The following CCDC181 variants were observed in gnomAD, a reference collection of about 807,000 sequenced individuals.
CCDC181 encodes coiled-coil domain-containing protein 181.
Under a neutral mutation model 58.7 loss-of-function variants are expected in CCDC181, and 35 were observed. The ratio of observed to expected loss-of-function variants is 0.60; its 90% CI spans 0.46 to 0.79. The LOEUF (loss-of-function observed/expected upper bound fraction) is 0.79. Among genes scored for constraint, CCDC181 ranks in the 30% least tolerant of loss-of-function variants. The probability of loss-of-function intolerance (pLI) is 0.00; values close to 1 mark genes in which losing one functional copy is unlikely to be tolerated. For synonymous variants in CCDC181, 183 were observed against 197.5 expected, an observed-to-expected ratio of 0.93 and a Z score of 0.62; for missense variants, 517 against 583.9, an observed-to-expected ratio of 0.89 and a Z score of 1.18.
chr1:169,417,735 C>T (rs1656276752), intron 4 of CCDC181, among the ~76,000 whole-genome samples: 1 of 152,114 alleles, frequency 6.6e-6, no homozygotes, highest in South Asian at 2.1e-4. Flanking sequence ...CTTATTAGAA[C>T]AAAGAGAGTC....
At chr1:169,444,574 T>C (rs985352026) in intron 2 of CCDC181, among the ~76,000 whole-genome samples, 58 of 152,328 alleles carry the variant, frequency 3.8e-4, no homozygotes, top group African/African-American at 1.2e-3. Context: ...TTCTTGGTAA[T>C]AGTTTGACAA....
At chr1:169,416,576 T>C (rs1406197620) in intron 4 of CCDC181, among the ~76,000 whole-genome samples, 1 of 152,214 alleles carries the variant, frequency 6.6e-6, no homozygotes, top group Non-Finnish European at 1.5e-5. Context: ...ATAGTGTTTA[T>C]TATCCGCATT....
chr1:169,437,776 C>G (rs1265810130), intron 2 of CCDC181, among the ~76,000 whole-genome samples: 2 of 152,118 alleles, frequency 1.3e-5, no homozygotes, highest in African/African-American at 2.4e-5. Flanking sequence ...GTATTGTCAT[C>G]TATAGTTTTA....
chr1:169,422,468 T>G (rs958669856), intron 2 of CCDC181, among the ~76,000 whole-genome samples, 155 bp from the exon 3 acceptor site: 5 of 152,314 alleles, frequency 3.3e-5, no homozygotes, highest in Non-Finnish European at 7.4e-5. Flanking sequence ...TAATTCATAC[T>G]TATGAGTATC....
At position 169,397,330 on chromosome 1, in the gene CCDC181, T is replaced by C. The variant is rs1428131308; in HGVS notation, c.1277A>G (p.Gln426Arg). The C allele has an allele frequency of 6.2e-7, 1 of 1,612,280 alleles. No individual in the cohort carries two copies. Among genetic ancestry groups the C allele is most frequent in the Non-Finnish European group, 8.5e-7 (1 of 1,179,194 alleles). Residue 426 changes from glutamine (Q) to arginine (R), a missense_variant, in exon 5 of 6, where the codon CAG (glutamine) becomes CGG (arginine). Coordinates refer to ENST00000367806, the MANE Select transcript of CCDC181 (RefSeq NM_001300969.2). ...TTCTTCTGTCTGTCTTTCTTTCATC[T>C]GCTCTTCGTGCTTTTTTTTAAGCCA... ...RLWLKKKHEEQMKERQTEELR... is the reference protein window; with the variant it reads ...RLWLKKKHEERMKERQTEELR...
At chr1:169,423,458 T>G (rs941016622) in intron 2 of CCDC181, among the ~76,000 whole-genome samples, 1 of 151,940 alleles carries the variant, frequency 6.6e-6, no homozygotes, top group East Asian at 1.9e-4. Flanking sequence ...GAAAACCCAC[T>G]TTTTACAAAA....
At chr1:169,459,223 A>G (rs1197040248) in intron 2 of CCDC181, among the ~76,000 whole-genome samples, 1 of 152,184 alleles carries the variant, frequency 6.6e-6, no homozygotes, top group Non-Finnish European at 1.5e-5. Flanking sequence ...ATGAAATAGG[A>G]TTTTAGGTCA....
chr1:169,409,052 G>T (rs145616352), intron 4 of CCDC181, among the ~76,000 whole-genome samples: 245 of 152,296 alleles, frequency 1.6e-3, no homozygotes, highest in African/African-American at 5.3e-3. Context: ...ACGAATTGAC[G>T]GAAGTAGGCT....
At chr1:169,420,079 C>T (rs1656390263) in intron 3 of CCDC181, among the ~76,000 whole-genome samples, 1 of 152,186 alleles carries the variant, frequency 6.6e-6, no homozygotes, top group Admixed American at 6.5e-5. Flanking sequence ...ATCCTTCACA[C>T]CAGTTAAAGA....
rs145358880 is a variant in CCDC181, at chr1:169,425,576, G to A, written c.-23-626C>T. On this transcript the variant is annotated intron_variant, in intron 1 of 5. Transcript: ENST00000367806. The stretch of plus-strand genomic sequence containing the variant: ...AGAAATCAAGTCAACACTTCAGAGT[G>A]AGTTTCACTTCCTAACTGCAAGACA... Among the ~76,000 whole-genome samples the A allele has an allele frequency of 3.9e-5, 6 of 152,206 alleles. No homozygotes were observed. In the East Asian group the frequency reaches 1.2e-3, roughly 29 times the overall value.
chr1:169,456,058 A>G lies in CCDC181; in HGVS notation c.-24+3739T>C, dbSNP rs1384048453. Among the ~76,000 whole-genome samples, 4 of 152,072 alleles carry G rather than the reference A, an allele frequency of 2.6e-5. No individual in the cohort carries two copies. In the East Asian group the frequency reaches 7.7e-4, roughly 29 times the overall value. On this transcript the variant is annotated intron_variant, in intron 2 of 6. Coordinates refer to the CCDC181 transcript ENST00000545005. ...TTAGTTTCTCTACTTTCTGCAGGAA[A>G]GTTGTCTTTAGTTTCTTAGATGGCC...
intron 2 of CCDC181, among the ~76,000 whole-genome samples, chr1:169,433,109 A>G (rs1342958366): frequency 6.6e-6 from 1 of 152,084 alleles, no homozygotes. Flanking sequence ...TATCATTTTT[A>G]AAACTATTAG....
chr1:169,453,052 CA>C (rs1657585564), intron 2 of CCDC181, among the ~76,000 whole-genome samples: 1 of 146,924 alleles, frequency 6.8e-6, no homozygotes, highest in Non-Finnish European at 1.5e-5. Context: ...CAATGTGAAG[CA>C]AAATAGACTT....
intron 2 of CCDC181, among the ~76,000 whole-genome samples, chr1:169,456,921 T>C (rs1291183742): frequency 6.6e-6 from 1 of 152,216 alleles, no homozygotes; most frequent in Admixed American, 6.5e-5. Flanking sequence ...TATTAGGGTC[T>C]TGTTCATTTC....
At chr1:169,434,761 G>A (rs1657010620) in intron 2 of CCDC181, among the ~76,000 whole-genome samples, 1 of 152,014 alleles carries the variant, frequency 6.6e-6, no homozygotes. Flanking sequence ...CAGGTACAAA[G>A]CAAGGATGCC....
chr1:169,440,716 A>G (rs1657198369), intron 2 of CCDC181, among the ~76,000 whole-genome samples: 1 of 152,098 alleles, frequency 6.6e-6, no homozygotes, highest in African/African-American at 2.4e-5. Context: ...CAGGAATTCA[A>G]GACCAGCTTG....
intron 2 of CCDC181, chr1:169,454,679 C>T (rs996638507): frequency 7.9e-5 from 12 of 151,842 alleles, no homozygotes; most frequent in African/African-American, 2.9e-4. Flanking sequence ...TTGATACATA[C>T]AAAAGAATAT....
At chr1:169,434,695 A>C (rs1244382354) in intron 2 of CCDC181, among the ~76,000 whole-genome samples, 1 of 152,010 alleles carries the variant, frequency 6.6e-6, no homozygotes, top group Admixed American at 6.6e-5. Context: ...TGTATGAAAA[A>C]CCCACAGCAA....
intron 4 of CCDC181, among the ~76,000 whole-genome samples, chr1:169,398,491 C>A (rs1028354216): frequency 2.0e-5 from 3 of 152,148 alleles, no homozygotes; most frequent in Admixed American, 2.0e-4. Context: ...TATCCCCATT[C>A]TTTTGTTCTT....
Sources: gnomAD v4.1 joint callset for allele counts (sites outside exome capture counted in the v4.1 genomes callset) on GRCh38, gnomAD v4.1.1 for gene constraint, MANE v1.5 for transcripts, NCBI Gene and HGNC (gene_info 2026-07-23, HGNC 2026-07-21) for gene names.